SEMA5A: variants seen among roughly 807,000 people sequenced by gnomAD.
The protein encoded by SEMA5A is semaphorin 5A.
Under a neutral mutation model 135.5 loss-of-function variants are expected in SEMA5A, and 55 were observed. The ratio of observed to expected loss-of-function variants is 0.41; its 90% CI spans 0.33 to 0.51. The LOEUF (loss-of-function observed/expected upper bound fraction) is 0.51, where lower values mean the gene tolerates loss of function less well. Ranked by LOEUF, SEMA5A falls within the 20% of genes least tolerant of loss-of-function variation. The pLI is 0.37. For synonymous variants in SEMA5A, 580 were observed against 546.5 expected (o/e 1.06, Z -0.85); for missense variants, 1,290 against 1,419.9 (o/e 0.91, Z 1.47).
chr5:9,175,611 T>G (rs1346678589), intron 11 of SEMA5A, among the ~76,000 whole-genome samples: 1 of 152,200 alleles, frequency 6.6e-6, no homozygotes, highest in African/African-American at 2.4e-5. Flanking sequence ...ATTTTTCTTT[T>G]TCATTATACA....
At chr5:9,188,559 T>C (rs1026968823) in intron 11 of SEMA5A, among the ~76,000 whole-genome samples, 6 of 151,802 alleles carry the variant, frequency 4.0e-5, no homozygotes, top group Non-Finnish European at 8.8e-5. Flanking sequence ...CCCATCAAAA[T>C]CCCTCCCACT....
intron 5 of SEMA5A, among the ~76,000 whole-genome samples, chr5:9,308,127 T>C (rs1357999688): frequency 6.6e-6 from 1 of 152,140 alleles, no homozygotes; most frequent in Non-Finnish European, 1.5e-5. Context: ...AAACTCTAAG[T>C]AAGATACCTA....
intron 13 of SEMA5A, among the ~76,000 whole-genome samples, chr5:9,132,491 C>T (rs973967692): frequency 3.3e-5 from 5 of 152,200 alleles, no homozygotes; most frequent in African/African-American, 1.2e-4. Context: ...AGAAGCCCCT[C>T]ACCAGACTAA....
At chr5:9,520,746 C>T (rs1033106482) in intron 1 of SEMA5A, among the ~76,000 whole-genome samples, 4 of 152,314 alleles carry the variant, frequency 2.6e-5, no homozygotes, top group African/African-American at 9.6e-5. Context: ...AGAAAAACCT[C>T]AGACACAGCC....
At chr5:9,226,039 C>T (rs995311018) in intron 7 of SEMA5A, among the ~76,000 whole-genome samples, 5 of 152,192 alleles carry the variant, frequency 3.3e-5, no homozygotes, top group Non-Finnish European at 5.9e-5. Flanking sequence ...AGGACTGAAC[C>T]ATGGCACTGG....
chr5:9,500,838 C>G (rs1735559715), intron 1 of SEMA5A, among the ~76,000 whole-genome samples: 1 of 152,206 alleles, frequency 6.6e-6, no homozygotes, highest in Non-Finnish European at 1.5e-5. Flanking sequence ...TCCAAGCACA[C>G]TTGCTCCCTC....
chr5:9,091,272 A>G (rs762323654), intron 16 of SEMA5A, among the ~76,000 whole-genome samples: 18 of 152,240 alleles, frequency 1.2e-4, no homozygotes, highest in Non-Finnish European at 2.4e-4. Context: ...GATAGAAGCC[A>G]ACTGTCAGAA....
chr5:9,275,950 G>GT (rs1750239609), intron 5 of SEMA5A, among the ~76,000 whole-genome samples: 1 of 152,220 alleles, frequency 6.6e-6, no homozygotes, highest in African/African-American at 2.4e-5. Context: ...AATATTGGAA[G>GT]TTCTGGCCAG....
intron 2 of SEMA5A, among the ~76,000 whole-genome samples, chr5:9,402,583 T>A (rs1417207383): frequency 6.6e-6 from 1 of 152,212 alleles, no homozygotes; most frequent in East Asian, 1.9e-4. Context: ...TTTTGGGGTT[T>A]TGAATGTTAG....
intron 19 of SEMA5A, among the ~76,000 whole-genome samples, chr5:9,053,572 T>A (rs543789921): frequency 6.6e-6 from 1 of 152,204 alleles, no homozygotes; most frequent in South Asian, 2.1e-4. Flanking sequence ...GGTCTGGAGA[T>A]CTTTGGAAGA....
rs551492901 is a variant in SEMA5A at position 9,061,853 on chromosome 5, G to A, written c.2518+1034C>T. On this transcript the variant is annotated intron_variant, in intron 18 of 22. Coordinates refer to ENST00000382496, the MANE Select transcript of SEMA5A (RefSeq NM_003966.3). ...TTAATTAATGAGGTAGACCTTTTGT[G>A]ACAGAAGACATGAGGACCAAGAACT... 2.0e-5 allele frequency among the ~76,000 whole-genome samples: 3 copies of A among 152,260 alleles called. No individual in the cohort carries two copies. In the East Asian group the frequency reaches 5.8e-4, roughly 30 times the overall value.
intron 8 of SEMA5A, among the ~76,000 whole-genome samples, chr5:9,221,404 A>G (rs13159979): frequency 0.023 from 3,123 of 137,082 alleles, 87 homozygotes; most frequent in Non-Finnish European, 0.031. Context: ...CCGGGTTCAC[A>G]CCATTCTCCT....
chr5:9,236,756 A>T (rs1349095434), intron 6 of SEMA5A, among the ~76,000 whole-genome samples: 1 of 152,052 alleles, frequency 6.6e-6, no homozygotes, highest in African/African-American at 2.4e-5. Context: ...CCTTGTCTCC[A>T]AGTGTTTCCC....
At chr5:9,224,600 T>C in intron 8 of SEMA5A, 74 bp downstream of exon 8, 1 of 1,324,852 alleles carries the variant, frequency 7.5e-7, no homozygotes, top group Non-Finnish European at 1.1e-6. Flanking sequence ...AGTGTTGTAG[T>C]TTGCTTTTGA....
intron 9 of SEMA5A, among the ~76,000 whole-genome samples, chr5:9,199,150 A>G (rs763697161): frequency 8.5e-5 from 13 of 152,140 alleles, no homozygotes; most frequent in Non-Finnish European, 1.8e-4. Context: ...CTGCTGGCAT[A>G]ATGTTTCTCT....
At chr5:9,058,331 A>C (rs1030559194) in intron 18 of SEMA5A, among the ~76,000 whole-genome samples, 10 of 152,162 alleles carry the variant, frequency 6.6e-5, no homozygotes, top group African/African-American at 2.4e-4. Flanking sequence ...GGCTGAGCAC[A>C]GAACCTGACA....
At chr5:9,126,771 C>T (rs528731971) in intron 13 of SEMA5A, among the ~76,000 whole-genome samples, 24 of 152,262 alleles carry the variant, frequency 1.6e-4, no homozygotes, top group South Asian at 8.3e-4. Context: ...GGGTCTCGGA[C>T]TACAGGACAG....
intron 11 of SEMA5A, among the ~76,000 whole-genome samples, chr5:9,165,424 G>T (rs990537579): frequency 1.1e-4 from 17 of 152,238 alleles, no homozygotes; most frequent in African/African-American, 4.1e-4. Context: ...TGTAACTTTT[G>T]TTATAGTTTA....
At chr5:9,409,685 C>T (rs572211241) in intron 2 of SEMA5A, among the ~76,000 whole-genome samples, 10 of 152,358 alleles carry the variant, frequency 6.6e-5, no homozygotes, top group African/African-American at 2.2e-4. Flanking sequence ...CAAAATTACA[C>T]TTCTCTCTCT....
Sources: allele counts gnomAD v4.1 joint callset (sites outside exome capture counted in the v4.1 genomes callset), GRCh38; gene constraint gnomAD v4.1.1; transcripts MANE v1.5; gene names NCBI Gene and HGNC (gene_info 2026-07-23, HGNC 2026-07-21).